WDR49: variants seen among roughly 807,000 people sequenced by gnomAD.
WDR49 encodes the protein WD repeat domain 49.
Under a neutral mutation model 119.5 loss-of-function variants are expected in WDR49, and 107 were observed. The ratio of observed to expected loss-of-function variants is 0.90; its 90% CI spans 0.77 to 1.05. The LOEUF is 1.05. Among genes scored for constraint, WDR49 ranks in the 50% least tolerant of loss-of-function variants. The pLI, the probability that WDR49 is intolerant of heterozygous loss-of-function variation, is 0.00. For synonymous variants in WDR49, 425 were observed against 418.8 expected (o/e 1.01, Z -0.18); for missense variants, 1,240 against 1,220.5 (o/e 1.02, Z -0.24).
intron 2 of WDR49, among the ~76,000 whole-genome samples, chr3:167,627,691 T>G (rs1717193890): frequency 6.6e-6 from 1 of 152,088 alleles, no homozygotes; most frequent in Non-Finnish European, 1.5e-5. Context: ...AACTTGATTT[T>G]ATCCCTGTAA....
chr3:167,617,719 A>G (rs114388324), intron 5 of WDR49, among the ~76,000 whole-genome samples: 2 of 152,088 alleles, frequency 1.3e-5, no homozygotes, highest in Non-Finnish European at 2.9e-5. Flanking sequence ...CTGGAAATGG[A>G]AAGTTTTATA....
chr3:167,523,309 A>T (rs1156985459), intron 15 of WDR49, among the ~76,000 whole-genome samples: 2 of 152,138 alleles, frequency 1.3e-5, no homozygotes, highest in Non-Finnish European at 2.9e-5. Context: ...AAAAAAATTC[A>T]GAGACTATAC....
chr3:167,508,978 C>T (rs532931255), intron 16 of WDR49, among the ~76,000 whole-genome samples: 2 of 152,226 alleles, frequency 1.3e-5, no homozygotes, highest in East Asian at 3.9e-4. Context: ...TATCAGTTCC[C>T]TCCTAACAAT....
chr3:167,646,118 T>C (rs1337863806), intron 2 of WDR49, among the ~76,000 whole-genome samples: 1 of 152,136 alleles, frequency 6.6e-6, no homozygotes, highest in Non-Finnish European at 1.5e-5. Context: ...TGAAACTCTT[T>C]GGGTAATGGC....
In WDR49 at chr3:167,505,313, AT is replaced by A. The variant is rs755423544; in HGVS notation, c.2877del (p.Lys959AsnfsTer9). The A allele has an allele frequency of 1.4e-5, 21 of 1,510,442 alleles. No individual in the cohort carries two copies. Among genetic ancestry groups the A allele is most frequent in the Middle Eastern group, 2.1e-4 (1 of 4,772 alleles). The allele number at this position is 1,510,442 out of a possible 1,614,324, so 93.6% of individuals were successfully genotyped here. Reference sequence around the variant, plus strand: ...AACAACAGTGACTACTTACTGAATGATTTTTTTATAACTTCACCATAATAAG... The same window carrying A: ...AACAACAGTGACTACTTACTGAATGATTTTTTATAACTTCACCATAATAAG... ...QKPYYGEVIKKSFSTFRSLNI... is the reference protein window; with the variant it reads ...QKPYYGEVIKXSFSTFRSLNI... On this transcript the variant is annotated frameshift_variant, in exon 17 of 19. Coordinates refer to ENST00000682715, the MANE Select transcript of WDR49 (RefSeq NM_001366157.1). LOFTEE classifies it high-confidence loss of function.
At chr3:167,502,295 C>A (rs1751602179) in intron 17 of WDR49, among the ~76,000 whole-genome samples, 1 of 152,182 alleles carries the variant, frequency 6.6e-6, no homozygotes, top group South Asian at 2.1e-4. Context: ...CAATTAAACC[C>A]CTTTTCTTTA....
Position 167,602,688 on chromosome 3 carries a change from T to C in WDR49, c.1127-413A>G, listed in dbSNP as rs147560268. Among the ~76,000 whole-genome samples, 670 of 152,238 alleles carry C rather than the reference T, an allele frequency of 4.4e-3. 9 individuals are homozygous for C. The highest frequency in any genetic ancestry group is 0.015 in the African/African-American group (620 of 41,560). ...GGAGTAAGAAAGAAAGAAAACAATG[T>C]TGAAAGTTCATAAATTAATTAAAAA... On this transcript the variant is annotated intron_variant, in intron 6 of 18. Coordinates refer to ENST00000682715, the MANE Select transcript of WDR49 (RefSeq NM_001366157.1).
At position 167,621,800 on chromosome 3, in the gene WDR49, C is replaced by T. The variant is rs571404242; in HGVS notation, c.607-157G>A. Among the ~76,000 whole-genome samples the T allele has an allele frequency of 4.6e-5, 7 of 152,212 alleles. No individual in the cohort carries two copies. The East Asian group carries it at 1.2e-3, about 25-fold the overall frequency. On this transcript the variant is annotated intron_variant, in intron 3 of 18. Coordinates refer to ENST00000682715, the MANE Select transcript of WDR49 (RefSeq NM_001366157.1). ...GTTAAGAACAGCGGCACAAATGTAC[C>T]TTATCCTAACTGTGGAATCTAGCCA...
chr3:167,637,733 T>TTTTGC, intron 2 of WDR49, among the ~76,000 whole-genome samples: 1 of 151,910 alleles, frequency 6.6e-6, no homozygotes, highest in Non-Finnish European at 1.5e-5. Flanking sequence ...GGTATGTTCC[T>TTTTGC]AAGTATTTTA....
intron 10 of WDR49, among the ~76,000 whole-genome samples, chr3:167,546,726 C>CT (rs1322532202): frequency 4.0e-5 from 6 of 151,278 alleles, no homozygotes; most frequent in Admixed American, 6.6e-5. Flanking sequence ...TTAAAACCAC[C>CT]TTTTTTCTAG....
chr3:167,586,154 T>C (rs1044626738), intron 7 of WDR49, among the ~76,000 whole-genome samples: 4 of 152,168 alleles, frequency 2.6e-5, no homozygotes, highest in Admixed American at 2.6e-4. Context: ...ACAAACTGAT[T>C]TGCTTCTGCT....
chr3:167,638,562 G>T (rs1236523507), intron 2 of WDR49, among the ~76,000 whole-genome samples: 1 of 151,542 alleles, frequency 6.6e-6, no homozygotes, highest in East Asian at 1.9e-4. Flanking sequence ...CAAATTCTGT[G>T]AACGTCTCCT....
At chr3:167,548,380 T>C (rs1388518006) in intron 10 of WDR49, among the ~76,000 whole-genome samples, 1 of 151,996 alleles carries the variant, frequency 6.6e-6, no homozygotes, top group Non-Finnish European at 1.5e-5. Context: ...GTTAAAAACA[T>C]CTCTGCCTAC....
chr3:167,633,418 G>A (rs972920022), intron 2 of WDR49: 4 of 455,794 alleles, frequency 8.8e-6, no homozygotes, highest in Non-Finnish European at 1.3e-5. Context: ...CCTGTTCCCA[G>A]AACCATGGCT....
intron 9 of WDR49, among the ~76,000 whole-genome samples, chr3:167,557,668 G>A (rs1330294112): frequency 6.7e-6 from 1 of 150,334 alleles, no homozygotes; most frequent in Non-Finnish European, 1.5e-5. Flanking sequence ...CAGGAGAATG[G>A]TGTGAACCTG....
chr3:167,502,265 C>G (rs887539182), intron 17 of WDR49, among the ~76,000 whole-genome samples: 1 of 152,176 alleles, frequency 6.6e-6, no homozygotes, highest in Non-Finnish European at 1.5e-5. Flanking sequence ...CATACCTGAA[C>G]AGCCTGCAGA....
At chr3:167,605,584 A>T (rs1240205221) in intron 5 of WDR49, among the ~76,000 whole-genome samples, 6 of 152,198 alleles carry the variant, frequency 3.9e-5, no homozygotes, top group Non-Finnish European at 7.4e-5. Flanking sequence ...TTAGTACATC[A>T]TAAAGTGATA....
chr3:167,503,440 C>T (rs1694361233), intron 17 of WDR49, among the ~76,000 whole-genome samples: 1 of 152,176 alleles, frequency 6.6e-6, no homozygotes. Flanking sequence ...GTTGTCTGAC[C>T]TGGGGTTCTT....
At position 167,544,953 on chromosome 3, in the gene WDR49, G is replaced by T. The variant is rs189823537; in HGVS notation, c.1824-7953C>A. Among the ~76,000 whole-genome samples the T allele has an allele frequency of 5.9e-5, 9 of 151,636 alleles. No homozygotes were observed. The East Asian group carries it at 1.4e-3, about 23-fold the overall frequency. ...CTTCGCAAACCATGCATTCAACAAA[G>T]AATTAATTTCCAGAATCTACAAGAA... On this transcript the variant is annotated intron_variant, in intron 10 of 18. Coordinates refer to ENST00000682715, the MANE Select transcript of WDR49 (RefSeq NM_001366157.1).
Sources: gnomAD v4.1 joint callset for allele counts (sites outside exome capture counted in the v4.1 genomes callset) on GRCh38, gnomAD v4.1.1 for gene constraint, MANE v1.5 for transcripts, NCBI Gene and HGNC (gene_info 2026-07-23, HGNC 2026-07-21) for gene names.